Variants in CSMD1 observed in about 807,000 individuals in gnomAD.
CSMD1 encodes the protein CUB and Sushi multiple domains 1.
Under a neutral mutation model 417.5 loss-of-function variants are expected in CSMD1, and 213 were observed. The ratio of observed to expected loss-of-function variants is 0.51; its 90% CI spans 0.46 to 0.57. The LOEUF (loss-of-function observed/expected upper bound fraction) is 0.57, where lower values mean the gene tolerates loss of function less well. Among genes scored for constraint, CSMD1 ranks in the 20% least tolerant of loss-of-function variants. CSMD1 has a pLI of 0.00. For missense variants in CSMD1, 6,923 were observed against 4,529.7 expected (o/e 1.53, Z -15.17); for synonymous variants, 2,862 against 1,736.8 (o/e 1.65, Z -16.11).
chr8:4,000,711 G>C (rs991592452), intron 4 of CSMD1, among the ~76,000 whole-genome samples: 2 of 152,004 alleles, frequency 1.3e-5, no homozygotes, highest in East Asian at 1.9e-4. Context: ...AATATTTCCA[G>C]AGTAATAATT....
intron 12 of CSMD1, among the ~76,000 whole-genome samples, chr8:3,448,205 G>A (rs1815425879): frequency 6.7e-6 from 1 of 149,064 alleles, no homozygotes; most frequent in African/African-American, 2.5e-5. Flanking sequence ...AAGCCTGTCT[G>A]TGTTTCCTGA....
chr8:4,048,308 C>A (rs373747795), intron 3 of CSMD1, among the ~76,000 whole-genome samples: 1 of 152,160 alleles, frequency 6.6e-6, no homozygotes, highest in African/African-American at 2.4e-5. Flanking sequence ...GCTGGTTACA[C>A]AAAGAGGGGA....
At chr8:3,647,540 T>G (rs913836843) in intron 7 of CSMD1, among the ~76,000 whole-genome samples, 8 of 152,034 alleles carry the variant, frequency 5.3e-5, no homozygotes, top group African/African-American at 1.9e-4. Flanking sequence ...AAATATAGTA[T>G]AGAGACAAAT....
At position 2,951,265 on chromosome 8, in the gene CSMD1, A is replaced by C; in HGVS notation, c.10050T>G (p.Asp3350Glu). Residue 3350 changes from aspartate to glutamate, a missense_variant, in exon 66 of 70, where the codon GAT becomes GAG. By Grantham distance (45) the Asp-to-Glu change is conservative. Transcript: ENST00000635120. ...ETVTKTPVPS[D>E]VFFVNSLWKG... is the part of the protein sequence containing the mutation. Reference sequence around the variant, plus strand: ...TCCACAGTGAATTGACGAAAAAGACATCTGAAGGAACTGTGGGAAGGGGGG... The same window carrying C: ...TCCACAGTGAATTGACGAAAAAGACCTCTGAAGGAACTGTGGGAAGGGGGG... The C allele has an allele frequency of 6.2e-7, 1 of 1,604,298 alleles. No homozygotes were observed. Among genetic ancestry groups the C allele is most frequent in the Admixed American group, 1.7e-5 (1 of 58,624 alleles).
intron 5 of CSMD1, among the ~76,000 whole-genome samples, chr8:3,933,394 T>G (rs1810285075): frequency 6.6e-6 from 1 of 152,344 alleles, no homozygotes; most frequent in Admixed American, 6.5e-5. Context: ...AATAAATAAA[T>G]GAGTCTATCA....
At chr8:4,754,808 C>G (rs1470857323) in intron 1 of CSMD1, among the ~76,000 whole-genome samples, 1 of 152,036 alleles carries the variant, frequency 6.6e-6, no homozygotes, top group Admixed American at 6.6e-5. Context: ...GAGATCGCAC[C>G]ACTGCACTCC....
At chr8:3,041,810 C>T (rs1468601297) in intron 50 of CSMD1, among the ~76,000 whole-genome samples, 3 of 152,214 alleles carry the variant, frequency 2.0e-5, no homozygotes, top group Non-Finnish European at 4.4e-5. Flanking sequence ...TTCTGGCAGC[C>T]ATCAAATGGC....
chr8:4,729,490 C>G (rs1299536585), intron 1 of CSMD1, among the ~76,000 whole-genome samples: 1 of 152,060 alleles, frequency 6.6e-6, no homozygotes, highest in Non-Finnish European at 1.5e-5. Flanking sequence ...GTGAGTCACA[C>G]AAAAGTTTTC....
chr8:4,100,219 A>T (rs1801235456), intron 3 of CSMD1, among the ~76,000 whole-genome samples: 1 of 152,180 alleles, frequency 6.6e-6, no homozygotes, highest in Non-Finnish European at 1.5e-5. Context: ...GAGATTATAT[A>T]GTCTCTAGCA....
At chr8:3,621,512 G>A (rs1019027299) in intron 7 of CSMD1, among the ~76,000 whole-genome samples, 1 of 152,146 alleles carries the variant, frequency 6.6e-6, no homozygotes, top group Non-Finnish European at 1.5e-5. Flanking sequence ...AATTTACAGA[G>A]ATGAATAGTG....
At chr8:4,876,903 AAGG>A (rs1465400253) in intron 1 of CSMD1, among the ~76,000 whole-genome samples, 3 of 152,122 alleles carry the variant, frequency 2.0e-5, no homozygotes, top group African/African-American at 7.2e-5. Flanking sequence ...ACATTGATTC[AAGG>A]AGATTAGCTT....
chr8:4,903,869 G>C (rs114601710), intron 1 of CSMD1, among the ~76,000 whole-genome samples: 1 of 152,156 alleles, frequency 6.6e-6, no homozygotes, highest in East Asian at 1.9e-4. Context: ...CACATCAGCT[G>C]CATGGATGCC....
chr8:4,827,627 G>T (rs751048043), intron 1 of CSMD1, among the ~76,000 whole-genome samples: 1 of 152,108 alleles, frequency 6.6e-6, no homozygotes, highest in Non-Finnish European at 1.5e-5. Flanking sequence ...GATTGAATAG[G>T]TAAGTCTTTA....
At chr8:3,541,750 T>C (rs896503992) in intron 10 of CSMD1, among the ~76,000 whole-genome samples, 1 of 149,500 alleles carries the variant, frequency 6.7e-6, no homozygotes, top group South Asian at 2.1e-4. Flanking sequence ...TATATAAATA[T>C]ATATAAACAA....
At chr8:3,279,299 C>A (rs1037267834) in intron 26 of CSMD1, 4 of 152,242 alleles carry the variant, frequency 2.6e-5, no homozygotes, top group African/African-American at 9.6e-5. Flanking sequence ...CTGAATCATC[C>A]AGCAACTCCC....
At chr8:3,787,970 T>C (rs950594811) in intron 5 of CSMD1, among the ~76,000 whole-genome samples, 5 of 152,210 alleles carry the variant, frequency 3.3e-5, no homozygotes, top group African/African-American at 1.2e-4. Flanking sequence ...CCTAATGCTC[T>C]TGAATAATTG....
chr8:4,951,090 G>C (rs1020921055), intron 1 of CSMD1, among the ~76,000 whole-genome samples: 1 of 152,048 alleles, frequency 6.6e-6, no homozygotes. Context: ...ATGAGATTTA[G>C]ACAATGTGAA....
intron 12 of CSMD1, among the ~76,000 whole-genome samples, chr8:3,423,051 G>A (rs559738366): frequency 6.6e-6 from 1 of 152,312 alleles, no homozygotes; most frequent in South Asian, 2.1e-4. Flanking sequence ...TAGTCGAGTT[G>A]TACAGTCCTA....
chr8:4,440,452 A>G (rs1034012919), intron 2 of CSMD1, among the ~76,000 whole-genome samples: 1 of 152,190 alleles, frequency 6.6e-6, no homozygotes, highest in African/African-American at 2.4e-5. Context: ...ATCATTGTTC[A>G]TCTTGTTACT....
Sources: gnomAD v4.1 joint callset for allele counts (sites outside exome capture counted in the v4.1 genomes callset) on GRCh38, gnomAD v4.1.1 for gene constraint, MANE v1.5 for transcripts, NCBI Gene and HGNC (gene_info 2026-07-23, HGNC 2026-07-21) for gene names.